CATSPER1: variants seen among roughly 807,000 people sequenced by gnomAD.
The protein encoded by CATSPER1 is cation channel sperm-associated protein 1.
In CATSPER1, 57 loss-of-function variants were observed where a neutral mutation model predicts 72.7. The ratio of observed to expected loss-of-function variants is 0.78; its 90% CI spans 0.63 to 0.98. CATSPER1 has a LOEUF of 0.98. Ranked by LOEUF, CATSPER1 falls within the 50% of genes least tolerant of loss-of-function variation. The pLI is 0.00. For missense variants in CATSPER1, 910 were observed against 1,033.9 expected, an observed-to-expected ratio of 0.88 and a Z score of 1.64; for synonymous variants, 363 against 403.0, an observed-to-expected ratio of 0.90 and a Z score of 1.19.
chr11:66,020,533 G>T lies in CATSPER1; in HGVS notation c.1991+31C>A, dbSNP rs778595310. ...GGGGAGAGGAGGAAGTGTGGGTGGT[G>T]CTGGGCAGCAGAGCAGGGGTGAGTC... On this transcript the variant is annotated intron_variant, in intron 7 of 11. Coordinates refer to ENST00000312106, the MANE Select transcript of CATSPER1 (RefSeq NM_053054.4). This position sits in a 1 kb window ranked among gnomAD's most constrained non-coding sequence, Gnocchi z 4.5. The T allele has an allele frequency of 1.2e-6, 2 of 1,604,232 alleles. No homozygotes were observed. The highest frequency in any genetic ancestry group is 1.7e-6 in the Non-Finnish European group (2 of 1,172,128).
intron 3 of CATSPER1, 28 bp from the exon 4 acceptor site, chr11:66,021,671 C>T (rs779506893): frequency 3.1e-6 from 5 of 1,606,452 alleles, no homozygotes; most frequent in South Asian, 2.2e-5. Context: ...CTGAGCCTGG[C>T]GGGCTCCCAA....
In CATSPER1 at chr11:66,026,198, G is replaced by C; in HGVS notation, c.182C>G (p.Pro61Arg). Reference sequence around the variant, plus strand: ...TTGGTCGTGGAAGTCTTGGAACTCCGGAGGGTGGTGAGATTCACCACGTTG... The same window carrying C: ...TTGGTCGTGGAAGTCTTGGAACTCCCGAGGGTGGTGAGATTCACCACGTTG... Reference protein sequence around the residue: ...PHQRGESHHPPEFQDFHDQAL... With the variant: ...PHQRGESHHPREFQDFHDQAL... The change falls in exon 1 of 12, where the codon CCG becomes CGG. Residue 61 changes from proline (P) to arginine (R), a missense_variant. Coordinates refer to ENST00000312106, the MANE Select transcript of CATSPER1 (RefSeq NM_053054.4). 2 of 1,609,178 alleles carry C rather than the reference G, an allele frequency of 1.2e-6. No individual in the cohort carries two copies. The highest frequency in any genetic ancestry group is 2.2e-5 in the South Asian group (2 of 91,020).
chr11:66,018,650 C>T (rs1257611674), intron 10 of CATSPER1, 177 bp downstream of exon 10: 1 of 662,664 alleles, frequency 1.5e-6, no homozygotes, highest in African/African-American at 1.8e-5. Flanking sequence ...ACACACACCT[C>T]TGGATGTGCA....
At chr11:66,019,773 C>T (rs868716223) in intron 9 of CATSPER1, among the ~76,000 whole-genome samples, 2 of 151,840 alleles carry the variant, frequency 1.3e-5, no homozygotes, top group South Asian at 2.1e-4. Flanking sequence ...CAACATTAGG[C>T]GAGTGTGCTG....
At chr11:66,019,752 C>G (rs78822462) in intron 9 of CATSPER1, among the ~76,000 whole-genome samples, 11 of 151,248 alleles carry the variant, frequency 7.3e-5, no homozygotes, top group African/African-American at 2.7e-4. Flanking sequence ...CACACACACA[C>G]AAAAAAACAA....
Position 66,024,883 on chromosome 11 carries a change from G to A in CATSPER1, c.1216+281C>T, listed in dbSNP as rs757898559. Reference sequence around the variant, plus strand: ...CCCCATGCTGCCATGGCCCAGGCAGGCCACACACCCACATTGGATGAGTAT... The same window carrying A: ...CCCCATGCTGCCATGGCCCAGGCAGACCACACACCCACATTGGATGAGTAT... On this transcript the variant is annotated intron_variant, in intron 1 of 11. Coordinates refer to ENST00000312106, the MANE Select transcript of CATSPER1 (RefSeq NM_053054.4). 3.3e-5 allele frequency among the ~76,000 whole-genome samples: 5 copies of A among 152,174 alleles called. No homozygotes were observed. In the South Asian group the frequency reaches 1.0e-3, roughly 32 times the overall value.
In CATSPER1 at chr11:66,021,754, G is replaced by A. The variant is rs200193011; in HGVS notation, c.1543+12C>T. Reference sequence around the variant, plus strand: ...GACTAAACACACGCAGCCTGGCCCCGGCCGCACCCACCCAAATTGTTCCAG... The same window carrying A: ...GACTAAACACACGCAGCCTGGCCCCAGCCGCACCCACCCAAATTGTTCCAG... On this transcript the variant is annotated intron_variant, in intron 3 of 11. Coordinates refer to ENST00000312106, the MANE Select transcript of CATSPER1 (RefSeq NM_053054.4). 1.2e-5 allele frequency: 19 copies of A among 1,613,264 alleles called. No homozygotes were observed. The highest frequency in any genetic ancestry group is 1.4e-5 in the Non-Finnish European group (16 of 1,179,252).
chr11:66,026,051 G>A lies in CATSPER1; in HGVS notation c.329C>T (p.Ser110Phe), dbSNP rs755339794. 11 of 1,613,886 alleles carry A rather than the reference G, an allele frequency of 6.8e-6. No individual in the cohort carries two copies. The highest frequency in any genetic ancestry group is 9.3e-6 in the Non-Finnish European group (11 of 1,179,972). Reference sequence around the variant, plus strand: ...CTCATCATGGTAGTCCTCACCGTAGGAACGGTGGGAGGGGACGGCGCCTTG... The same window carrying A: ...CTCATCATGGTAGTCCTCACCGTAGAAACGGTGGGAGGGGACGGCGCCTTG... The part of the protein sequence containing the change: ...PSQGAVPSHR[S>F]YGEDYHDELQ... The change falls in exon 1 of 12, where the codon TCC (serine) becomes TTC (phenylalanine). Residue 110 changes from serine (S) to phenylalanine (F), a missense_variant. By Grantham distance (155) the Ser-to-Phe change is radical. Coordinates refer to ENST00000312106, the MANE Select transcript of CATSPER1 (RefSeq NM_053054.4).
Position 66,020,894 on chromosome 11 carries a change from T to C in CATSPER1, c.1844A>G (p.Asn615Ser). ...FRKSDPKRFQ[N>S]IFTTIFTLFT... ...GAGGGTGAAGATGGTGGTGAAGATG[T>C]TCTGGAAGCGCTTGGGGTCAGATTT... Residue 615 changes from asparagine to serine, a missense_variant, in exon 6 of 12, where the codon AAC becomes AGC. Physicochemically the swap from Asn to Ser is conservative, Grantham distance 46 (BLOSUM62 1). Coordinates refer to ENST00000312106, the MANE Select transcript of CATSPER1 (RefSeq NM_053054.4). This position sits in a 1 kb window ranked among gnomAD's most constrained non-coding sequence, Gnocchi z 4.5. 2.5e-6 allele frequency: 4 copies of C among 1,614,038 alleles called. No homozygotes were observed. The highest frequency in any genetic ancestry group is 2.5e-6 in the Non-Finnish European group (3 of 1,180,020).
chr11:66,021,425 C>T, intron 4 of CATSPER1, 71 bp downstream of exon 4: 1 of 1,575,774 alleles, frequency 6.3e-7, no homozygotes, highest in Non-Finnish European at 8.6e-7. Context: ...CAGTGGATTT[C>T]TTTGGGGCCC....
chr11:66,017,092 C>T lies in CATSPER1; in HGVS notation c.2284G>A (p.Val762Ile), dbSNP rs142726200. ...EQQKFRSQAA[V>I]IDEIVDTTFE... ...GTGGTGTCCACAATCTCATCGATGACGGCTGCCTGGGAGCGGAACTTCTGC... is the reference window on the plus strand; with the variant it reads ...GTGGTGTCCACAATCTCATCGATGATGGCTGCCTGGGAGCGGAACTTCTGC... Residue 762 changes from valine to isoleucine, a missense_variant, in exon 11 of 12, where the codon GTC becomes ATC. By Grantham distance (29) the Val-to-Ile change is conservative. Transcript: ENST00000312106. 112 of 1,569,568 alleles carry T rather than the reference C, an allele frequency of 7.1e-5. No homozygotes were observed. The highest frequency in any genetic ancestry group is 2.7e-4 in the East Asian group (11 of 41,130).
At chr11:66,024,815 C>T (rs1051653545) in intron 1 of CATSPER1, among the ~76,000 whole-genome samples, 3 of 152,160 alleles carry the variant, frequency 2.0e-5, no homozygotes, top group African/African-American at 7.2e-5. Flanking sequence ...GTGACCACTC[C>T]TAGTTTTGGG....
chr11:66,017,483 C>T (rs1265843505), intron 10 of CATSPER1, among the ~76,000 whole-genome samples: 1 of 151,842 alleles, frequency 6.6e-6, no homozygotes, highest in Non-Finnish European at 1.5e-5. Flanking sequence ...CACCCACCTC[C>T]TTATCCAGTC....
Position 66,020,511 on chromosome 11 carries a change from G to T in CATSPER1, c.1991+53C>A. ...GAGGGCTGGGGTAAGGGTCCCAGGG[G>T]AGAGGAGGAAGTGTGGGTGGTGCTG... On this transcript the variant is annotated intron_variant, in intron 7 of 11. Transcript: ENST00000312106. The surrounding 1 kb of genome is among the most constrained non-coding windows in gnomAD (Gnocchi z 4.5). 6.3e-7 allele frequency: 1 copy of T among 1,597,846 alleles called. No individual in the cohort carries two copies. The highest frequency in any genetic ancestry group is 1.1e-5 in the South Asian group (1 of 90,706).
rs1856407317 is a variant in CATSPER1 at position 66,022,921 on chromosome 11, T to C, written c.1357A>G (p.Ile453Val). 3 of 1,614,178 alleles carry C rather than the reference T, an allele frequency of 1.9e-6. No individual in the cohort carries two copies. Among genetic ancestry groups the C allele is most frequent in the East Asian group, 4.5e-5 (2 of 44,874 alleles). The change falls in exon 2 of 12, where the codon ATC becomes GTC. Residue 453 changes from isoleucine (I) to valine (V), a missense_variant. By Grantham distance (29) the Ile-to-Val change is conservative. Coordinates refer to ENST00000312106, the MANE Select transcript of CATSPER1 (RefSeq NM_053054.4). Reference protein sequence around the residue: ...LTQSLAFETFIFFVVCLNTVM... With the variant: ...LTQSLAFETFVFFVVCLNTVM... ...GTGTTGAGGCAGACAACGAAGAAGA[T>C]GAAAGTTTCAAAGGCCAAGGATTGG... is the stretch of plus-strand genomic sequence containing the variant.
Position 66,020,608 on chromosome 11 carries a change from G to A in CATSPER1, c.1947C>T (p.Pro649=). The change falls in exon 7 of 12, where the codon CCC becomes CCT. Residue 649 remains proline (P), a synonymous_variant. Coordinates refer to ENST00000312106, the MANE Select transcript of CATSPER1 (RefSeq NM_053054.4). This position sits in a 1 kb window ranked among gnomAD's most constrained non-coding sequence, Gnocchi z 4.5. ...SRAQGAWYII[P]ILVIYIIIQY... The stretch of plus-strand genomic sequence containing the variant: ...GGATGATGATGTAAATTACGAGGAT[G>A]GGAATGATGTACCAGGCGCCTAGGG... 6.2e-7 allele frequency: 1 copy of A among 1,612,386 alleles called. No individual in the cohort carries two copies. The highest frequency in any genetic ancestry group is 1.3e-5 in the African/African-American group (1 of 74,998).
chr11:66,016,873 C>A lies in CATSPER1; in HGVS notation c.*17G>T. 6.2e-7 allele frequency: 1 copy of A among 1,613,336 alleles called. No homozygotes were observed. The highest frequency in any genetic ancestry group is 8.5e-7 in the Non-Finnish European group (1 of 1,179,598). On this transcript the variant is annotated 3_prime_UTR_variant, in exon 12 of 12. Coordinates refer to ENST00000312106, the MANE Select transcript of CATSPER1 (RefSeq NM_053054.4). ...GACTGCCAGGGGCTGAAGTCTGTAT[C>A]TGGTGTCCTCCTGGGGTCAATTCCT...
chr11:66,020,160 A>C lies in CATSPER1; in HGVS notation c.2105T>G (p.Leu702Arg), dbSNP rs762127930. ...RIQEKLLEDSLTELRAAEPKE... is the reference protein window; with the variant it reads ...RIQEKLLEDSRTELRAAEPKE... ...CATACCTGCAGCTCTGAGCTCCGTC[A>C]GTGAGTCTTCCAGCAGCTTCTCTTG... Residue 702 changes from leucine to arginine, a missense_variant, in exon 9 of 12, where the codon CTG becomes CGG. Leu to Arg is a moderately radical substitution (Grantham distance 102). Transcript: ENST00000312106. The surrounding 1 kb of genome is among the most constrained non-coding windows in gnomAD (Gnocchi z 4.5). 7 of 1,613,346 alleles carry C rather than the reference A, an allele frequency of 4.3e-6. No individual in the cohort carries two copies. Among genetic ancestry groups the C allele is most frequent in the Middle Eastern group, 1.6e-4 (1 of 6,062 alleles).
At position 66,026,429 on chromosome 11, in the gene CATSPER1, C is replaced by T; in HGVS notation, c.-50G>A. ...AAAAGAGCTCAAGACCTGGGCCCAACAGGCCCCGCCTGGATTTCCCTTCTT... is the reference window on the plus strand; with the variant it reads ...AAAAGAGCTCAAGACCTGGGCCCAATAGGCCCCGCCTGGATTTCCCTTCTT... On this transcript the variant is annotated 5_prime_UTR_variant, in exon 1 of 12. Coordinates refer to ENST00000312106, the MANE Select transcript of CATSPER1 (RefSeq NM_053054.4). 1 of 1,604,866 alleles carries T rather than the reference C, an allele frequency of 6.2e-7. No homozygotes were observed.
Sources: allele counts gnomAD v4.1 joint callset (sites outside exome capture counted in the v4.1 genomes callset), GRCh38; gene constraint gnomAD v4.1.1; non-coding constraint Gnocchi (gnomAD v3.1); transcripts MANE v1.5; gene names NCBI Gene and HGNC (gene_info 2026-07-23, HGNC 2026-07-21).